Variants in SGCZ observed in about 807,000 individuals in gnomAD.
SGCZ encodes sarcoglycan zeta, also known as zeta-sarcoglycan.
Under a neutral mutation model 41.3 loss-of-function variants are expected in SGCZ, and 40 were observed. The ratio of observed to expected loss-of-function variants is 0.97; its 90% CI spans 0.75 to 1.26. SGCZ has a LOEUF of 1.26. Among genes scored for constraint, SGCZ ranks in the 50% most tolerant of loss-of-function variants. The probability of loss-of-function intolerance (pLI) is 0.00; values close to 1 mark genes in which losing one functional copy is unlikely to be tolerated. For missense variants in SGCZ, 552 were observed against 369.8 expected, an observed-to-expected ratio of 1.49 and a Z score of -4.04; for synonymous variants, 206 against 137.5, an observed-to-expected ratio of 1.50 and a Z score of -3.49.
At chr8:14,411,023 A>C (rs1563311883) in intron 2 of SGCZ, among the ~76,000 whole-genome samples, 1 of 152,166 alleles carries the variant, frequency 6.6e-6, no homozygotes, top group Non-Finnish European at 1.5e-5. Flanking sequence ...TCTTTGAAAC[A>C]ATTACAATTC....
At chr8:14,472,130 T>C (rs1308702209) in intron 2 of SGCZ, among the ~76,000 whole-genome samples, 1 of 152,136 alleles carries the variant, frequency 6.6e-6, no homozygotes, top group Non-Finnish European at 1.5e-5. Flanking sequence ...GGTCTTACTA[T>C]ATGAATTTTA....
Position 15,000,836 on chromosome 8 carries a change from C to G in SGCZ, c.39+236749G>C, listed in dbSNP as rs986320377. 5.9e-5 allele frequency among the ~76,000 whole-genome samples: 9 copies of G among 152,212 alleles called. No homozygotes were observed. In the East Asian group the frequency reaches 1.7e-3, roughly 29 times the overall value. ...ACCCGCTTTTTGGATGTCTGTCTGT[C>G]TGTCTTGCAAGGAGCTGCTCTCCTC... On this transcript the variant is annotated intron_variant, in intron 1 of 7. Transcript: ENST00000382080.
intron 1 of SGCZ, among the ~76,000 whole-genome samples, chr8:14,795,850 A>G (rs948873337): frequency 1.3e-5 from 2 of 151,986 alleles, no homozygotes; most frequent in African/African-American, 4.8e-5. Context: ...GAAAGATCCC[A>G]GTGTGTGTTG....
At chr8:14,155,219 A>G (rs942428121) in intron 5 of SGCZ, among the ~76,000 whole-genome samples, 1 of 152,146 alleles carries the variant, frequency 6.6e-6, no homozygotes, top group Non-Finnish European at 1.5e-5. Flanking sequence ...ATCTTCCAAA[A>G]TGTTTCTCAA....
At chr8:14,409,679 C>T (rs984838417) in intron 2 of SGCZ, among the ~76,000 whole-genome samples, 84 of 152,204 alleles carry the variant, frequency 5.5e-4, no homozygotes, top group African/African-American at 2.0e-3. Context: ...CGCTAACCAC[C>T]ATATTTGTGA....
intron 2 of SGCZ, among the ~76,000 whole-genome samples, chr8:14,512,733 G>A (rs1021669432): frequency 6.6e-6 from 1 of 151,844 alleles, no homozygotes; most frequent in African/African-American, 2.4e-5. Context: ...CCAATGGGCT[G>A]GGACGATAAG....
At chr8:14,702,707 A>G (rs1809177250) in intron 1 of SGCZ, among the ~76,000 whole-genome samples, 1 of 143,896 alleles carries the variant, frequency 6.9e-6, no homozygotes, top group African/African-American at 2.6e-5. Flanking sequence ...CAGTTCATAT[A>G]TCAGCAAATT....
In SGCZ at chr8:14,871,385, G is replaced by A. The variant is rs915764783; in HGVS notation, c.40-316459C>T. On this transcript the variant is annotated intron_variant, in intron 1 of 7. Transcript: ENST00000382080. ...TTTGACCCAGTAATCCCATTACTGC[G>A]TATATACCCAAAGGATCATAAATCA... is the stretch of plus-strand genomic sequence containing the variant. 1.1e-4 allele frequency among the ~76,000 whole-genome samples: 16 copies of A among 152,102 alleles called. No homozygotes were observed. The South Asian group carries it at 1.9e-3, about 18-fold the overall frequency.
intron 5 of SGCZ, among the ~76,000 whole-genome samples, chr8:14,113,027 A>G (rs761214594): frequency 3.3e-5 from 5 of 152,150 alleles, no homozygotes; most frequent in Non-Finnish European, 5.9e-5. Flanking sequence ...ACCTATTTCA[A>G]CATATACTAC....
At chr8:14,552,485 C>T (rs777993987) in intron 2 of SGCZ, among the ~76,000 whole-genome samples, 1 of 151,790 alleles carries the variant, frequency 6.6e-6, no homozygotes, top group South Asian at 2.1e-4. Flanking sequence ...ATAAAAAGGT[C>T]AAAACATAAT....
intron 1 of SGCZ, among the ~76,000 whole-genome samples, chr8:15,072,306 A>T (rs1342827893): frequency 2.0e-5 from 3 of 152,180 alleles, no homozygotes; most frequent in Non-Finnish European, 4.4e-5. Context: ...TCTTTAAAAA[A>T]ACTAAAATTT....
intron 2 of SGCZ, among the ~76,000 whole-genome samples, chr8:14,534,463 A>C (rs1197134855): frequency 6.6e-6 from 1 of 151,894 alleles, no homozygotes; most frequent in East Asian, 1.9e-4. Flanking sequence ...ATTAACCTTC[A>C]CTCTTTCCTT....
chr8:14,423,920 G>C (rs544490238), intron 2 of SGCZ, among the ~76,000 whole-genome samples: 1 of 151,432 alleles, frequency 6.6e-6, no homozygotes, highest in Admixed American at 6.6e-5. Flanking sequence ...AACATATTCA[G>C]GTAACTCATG....
intron 5 of SGCZ, among the ~76,000 whole-genome samples, chr8:14,136,133 C>A (rs1803190035): frequency 6.6e-6 from 1 of 152,076 alleles, no homozygotes; most frequent in Non-Finnish European, 1.5e-5. Context: ...CATACCACAG[C>A]CAAAATATGA....
chr8:14,545,048 G>A (rs1194798765), intron 2 of SGCZ, among the ~76,000 whole-genome samples: 1 of 152,040 alleles, frequency 6.6e-6, no homozygotes, highest in African/African-American at 2.4e-5. Flanking sequence ...GATATGTGAT[G>A]TCACCCCTAG....
At chr8:14,223,297 T>G (rs1429656649) in intron 4 of SGCZ, among the ~76,000 whole-genome samples, 2 of 152,314 alleles carry the variant, frequency 1.3e-5, no homozygotes, top group South Asian at 2.1e-4. Context: ...ATTTTTTCAT[T>G]TAATGAGAAT....
chr8:14,871,311 G>C (rs1028477316), intron 1 of SGCZ, among the ~76,000 whole-genome samples: 4 of 152,142 alleles, frequency 2.6e-5, no homozygotes, highest in African/African-American at 9.7e-5. Flanking sequence ...TTCAACCACT[G>C]TGAAAGACAG....
chr8:14,351,310 C>A (rs191384837), intron 2 of SGCZ, among the ~76,000 whole-genome samples: 30 of 152,116 alleles, frequency 2.0e-4, no homozygotes, highest in Admixed American at 1.8e-3. Flanking sequence ...TACTCCTTTG[C>A]ATTAACTGTT....
At chr8:14,633,101 A>T (rs1806712698) in intron 1 of SGCZ, among the ~76,000 whole-genome samples, 2 of 152,036 alleles carry the variant, frequency 1.3e-5, no homozygotes. Context: ...TGGTATTTGC[A>T]AAGTGTTTAC....
Sources: allele counts gnomAD v4.1 joint callset (sites outside exome capture counted in the v4.1 genomes callset), GRCh38; gene constraint gnomAD v4.1.1; transcripts MANE v1.5; gene names NCBI Gene and HGNC (gene_info 2026-07-23, HGNC 2026-07-21).